Variants in ELAC2 observed in about 807,000 individuals in gnomAD.
ELAC2 encodes the protein elaC ribonuclease Z 2, also known as zinc phosphodiesterase ELAC protein 2.
In ELAC2, 92 loss-of-function variants were observed where a neutral mutation model predicts 105.2. The observed-to-expected ratio is 0.87, with a 90% CI of 0.74 to 1.04. The LOEUF is 1.04. ELAC2 is among the 50% of genes least tolerant of loss of function. The pLI is 0.00. For missense variants in ELAC2, 1,099 were observed against 1,071.7 expected (o/e 1.03, Z -0.36); for synonymous variants, 468 against 409.1 (o/e 1.14, Z -1.74).
chr17:12,998,378 T>TTTTAAACAAAAA, intron 16 of ELAC2, 34 bp downstream of exon 16: 1 of 1,598,686 alleles, frequency 6.3e-7, no homozygotes, highest in Non-Finnish European at 8.6e-7. Context: ...AACGTGCCCT[T>TTTTAAACAAAAA]GATGGAAGGA....
chr17:13,004,971 C>G lies in ELAC2; in HGVS notation c.983+18G>C. 6.3e-7 allele frequency: 1 copy of G among 1,590,810 alleles called. No individual in the cohort carries two copies. Among genetic ancestry groups the G allele is most frequent in the Admixed American group, 1.7e-5 (1 of 59,990 alleles). ...GGTTTCAGCTCTCACTTCTCCCACC[C>G]TAGAGACCCCTCATTACCTCTGAAA... On this transcript the variant is annotated intron_variant, in intron 11 of 23. Coordinates refer to ENST00000338034, the MANE Select transcript of ELAC2 (RefSeq NM_018127.7).
intron 8 of ELAC2, among the ~76,000 whole-genome samples, chr17:13,007,686 T>C (rs1012153211): frequency 1.3e-5 from 2 of 152,122 alleles, no homozygotes; most frequent in Non-Finnish European, 2.9e-5. Flanking sequence ...AAGACCAGCC[T>C]GGCCAACATG....
At chr17:12,996,079 G>A (rs2040454585) in intron 17 of ELAC2, 101 bp from the exon 18 acceptor site, 9 of 1,309,180 alleles carry the variant, frequency 6.9e-6, no homozygotes, top group South Asian at 2.5e-5. Flanking sequence ...CCAGCCCGAC[G>A]TCACCCACCA....
intron 14 of ELAC2, chr17:13,000,514 T>G (rs192233223): frequency 3.4e-4 from 186 of 541,352 alleles, no homozygotes; most frequent in Non-Finnish European, 5.9e-4. Flanking sequence ...CAAGACAGTT[T>G]TTTTCTGTGG....
rs758792385 is a variant in ELAC2, at chr17:12,994,878, T to C, written c.1915A>G (p.Thr639Ala). 6 of 1,613,928 alleles carry C rather than the reference T, an allele frequency of 3.7e-6. No homozygotes were observed. Among genetic ancestry groups the C allele is most frequent in the Non-Finnish European group, 5.1e-6 (6 of 1,180,018 alleles). The change falls in exon 21 of 24, where the codon ACC becomes GCC. Residue 639 changes from threonine to alanine, a missense_variant. By Grantham distance (58) the Thr-to-Ala change is moderately conservative (BLOSUM62 0). Coordinates refer to ENST00000338034, the MANE Select transcript of ELAC2 (RefSeq NM_018127.7). Reference sequence around the variant, plus strand: ...TGCTTGCAGTGCCGCACCAGACAGGTCTGAAACTGAAAGGGTGGGGCTGGA... The same window carrying C: ...TGCTTGCAGTGCCGCACCAGACAGGCCTGAAACTGAAAGGGTGGGGCTGGA... ...LRTCDLEEFQTCLVRHCKHAF... is the reference protein window; with the variant it reads ...LRTCDLEEFQACLVRHCKHAF...
intron 23 of ELAC2, among the ~76,000 whole-genome samples, chr17:12,993,343 G>T (rs151110372): frequency 6.6e-6 from 1 of 152,184 alleles, no homozygotes. Flanking sequence ...CCTTCATTCC[G>T]GAAGGCCAAG....
In ELAC2 at chr17:13,000,256, G is replaced by C. The variant is rs1567751438; in HGVS notation, c.1323C>G (p.Cys441Trp). Reference protein sequence around the residue: ...REWQRDAIITCNPEEFIVEAL... With the variant: ...REWQRDAIITWNPEEFIVEAL... ...CCTCAACTATGAATTCCTCAGGATT[G>C]CAAGTAATAATGGCATCCCTGCAGG... Residue 441 changes from cysteine (C) to tryptophan (W), a missense_variant, in exon 15 of 24, where the codon TGC (cysteine) becomes TGG (tryptophan). Transcript: ENST00000338034. 5.0e-6 allele frequency: 8 copies of C among 1,613,962 alleles called. No homozygotes were observed. Among genetic ancestry groups the C allele is most frequent in the Admixed American group, 1.7e-5 (1 of 60,008 alleles).
At chr17:13,004,317 T>C (rs747971294) in intron 11 of ELAC2, among the ~76,000 whole-genome samples, 15 of 151,306 alleles carry the variant, frequency 9.9e-5, no homozygotes, top group Non-Finnish European at 1.6e-4. Flanking sequence ...TCGGAAGGGG[T>C]ACAGCAGCCC....
chr17:13,013,499 T>C (rs746509154), intron 5 of ELAC2, among the ~76,000 whole-genome samples: 15 of 151,826 alleles, frequency 9.9e-5, no homozygotes, highest in African/African-American at 1.5e-4. Flanking sequence ...AAAGACATTA[T>C]AATCTTTGGT....
intron 1 of ELAC2, 93 bp from the exon 2 acceptor site, chr17:13,017,214 A>C: frequency 7.9e-7 from 1 of 1,268,906 alleles, no homozygotes. Flanking sequence ...CTCTGGAAAA[A>C]AAAAAAAGAA....
intron 11 of ELAC2, among the ~76,000 whole-genome samples, chr17:13,004,565 C>T (rs2143618853): frequency 6.6e-6 from 1 of 152,306 alleles, no homozygotes; most frequent in South Asian, 2.1e-4. Context: ...AGCTGTGAGT[C>T]CATCCCATAA....
Position 13,000,245 on chromosome 17 carries a change from TC to T in ELAC2, c.1333del (p.Glu445AsnfsTer3), listed in dbSNP as rs2040710570. On this transcript the variant is annotated frameshift_variant, in exon 15 of 24. Coordinates refer to ENST00000338034, the MANE Select transcript of ELAC2 (RefSeq NM_018127.7). LOFTEE classifies it high-confidence loss of function. ...RDAIITCNPE[E>X]FIVEALQLPN... ...AAGCTGCAGCGCCTCAACTATGAAT[TC>T]CTCAGGATTGCAAGTAATAATGGCA... 4.3e-6 allele frequency: 7 copies of T among 1,613,928 alleles called. No homozygotes were observed. Among genetic ancestry groups the T allele is most frequent in the Non-Finnish European group, 5.9e-6 (7 of 1,180,030 alleles).
Position 12,996,693 on chromosome 17 carries a change from AGAG to A in ELAC2, c.1521-11_1521-9del. 2 of 1,612,590 alleles carry A rather than the reference AGAG, an allele frequency of 1.2e-6. No individual in the cohort carries two copies. Among genetic ancestry groups the A allele is most frequent in the Non-Finnish European group, 1.7e-6 (2 of 1,179,588 alleles). ...AGCAGAGACGTGTCGGGGCTGCAGA[AGAG>A]AAGAGGAAGAGAGTCACTGCCACTA... On this transcript the variant is annotated splice_polypyrimidine_tract_variant and intron_variant, in intron 16 of 23. Transcript: ENST00000338034.
chr17:13,008,015 A>G (rs1435486199), intron 8 of ELAC2, among the ~76,000 whole-genome samples: 1 of 152,200 alleles, frequency 6.6e-6, no homozygotes, highest in Admixed American at 6.5e-5. Flanking sequence ...AGCCTGGCCA[A>G]CATGGCGAAA....
chr17:13,017,657 G>A (rs1204541756), intron 1 of ELAC2, 46 bp downstream of exon 1: 3 of 1,612,670 alleles, frequency 1.9e-6, no homozygotes, highest in Admixed American at 1.7e-5. Context: ...CAGAGGCTGC[G>A]CCGCACTGAG....
intron 5 of ELAC2, 101 bp downstream of exon 5, chr17:13,014,338 T>G: frequency 2.2e-6 from 2 of 921,838 alleles, no homozygotes; most frequent in Non-Finnish European, 3.6e-6. Context: ...AGCATTTGAT[T>G]TTGAGGTTTG....
chr17:13,011,162 G>A (rs956847787), intron 7 of ELAC2, among the ~76,000 whole-genome samples: 3 of 152,098 alleles, frequency 2.0e-5, no homozygotes, highest in African/African-American at 7.2e-5. Flanking sequence ...TGCCAACGCT[G>A]ACCTTCTGTT....
At chr17:12,995,203 A>C (rs2040410347) in intron 19 of ELAC2, 141 bp from the exon 20 acceptor site, 1 of 931,876 alleles carries the variant, frequency 1.1e-6, no homozygotes, top group Admixed American at 2.0e-5. Flanking sequence ...TGATGAGGAA[A>C]CAGCAGTCAA....
rs938802967 is a variant in ELAC2 at position 12,991,963 on chromosome 17, G to A, written c.*855C>T. ...AAGGAGGACAATGGAAACCAGCCCC[G>A]TGTGCCATTTCTCAAAACCTTCGAG... is the stretch of plus-strand genomic sequence containing the variant. On this transcript the variant is annotated 3_prime_UTR_variant, in exon 24 of 24. Coordinates refer to ENST00000338034, the MANE Select transcript of ELAC2 (RefSeq NM_018127.7). Among the ~76,000 whole-genome samples the A allele has an allele frequency of 1.3e-5, 2 of 151,912 alleles. No individual in the cohort carries two copies. Among genetic ancestry groups the A allele is most frequent in the Non-Finnish European group, 1.5e-5 (1 of 68,032 alleles).
Sources: allele counts gnomAD v4.1 joint callset (sites outside exome capture counted in the v4.1 genomes callset), GRCh38; gene constraint gnomAD v4.1.1; transcripts MANE v1.5; gene names NCBI Gene and HGNC (gene_info 2026-07-23, HGNC 2026-07-21).